Variants in FMO2 observed in about 807,000 individuals in gnomAD.
The protein encoded by FMO2 is flavin containing dimethylaniline monoxygenase 2, also known as flavin-containing monooxygenase 2.
Under a neutral mutation model 41.6 loss-of-function variants are expected in FMO2, and 33 were observed. The ratio of observed to expected loss-of-function variants is 0.79; its 90% CI spans 0.60 to 1.06. FMO2 has a LOEUF of 1.06. FMO2 is among the 50% of genes least tolerant of loss of function. The pLI, the probability that FMO2 is intolerant of heterozygous loss-of-function variation, is 0.00. For synonymous variants in FMO2, 214 were observed against 219.6 expected (o/e 0.97, Z 0.23); for missense variants, 619 against 632.9 (o/e 0.98, Z 0.23).
Position 171,202,815 on chromosome 1 carries a change from T to C in FMO2, c.628-1050T>C, listed in dbSNP as rs574585566. 6.6e-5 allele frequency among the ~76,000 whole-genome samples: 10 copies of C among 152,276 alleles called. No homozygotes were observed. In the South Asian group the frequency reaches 1.0e-3, roughly 16 times the overall value. On this transcript the variant is annotated intron_variant, in intron 5 of 8. Coordinates refer to ENST00000209929, the MANE Select transcript of FMO2 (RefSeq NM_001460.5). Reference sequence around the variant, plus strand: ...CTTATGTGTTTATCAAGTATAGCCTTAAACAAAAACTTATTGCATGGTATG... The same window carrying C: ...CTTATGTGTTTATCAAGTATAGCCTCAAACAAAAACTTATTGCATGGTATG...
intron 5 of FMO2, among the ~76,000 whole-genome samples, chr1:171,202,611 G>A (rs996184221): frequency 2.6e-5 from 4 of 152,186 alleles, no homozygotes; most frequent in Non-Finnish European, 5.9e-5. Context: ...ATGCCATGAG[G>A]TAGGTACTGT....
chr1:171,196,864 T>C (rs1658332663), intron 4 of FMO2, 53 bp downstream of exon 4: 1 of 1,546,234 alleles, frequency 6.5e-7, no homozygotes, highest in Non-Finnish European at 8.9e-7. Flanking sequence ...AGGTACTTTA[T>C]ATGTAGTTTG....
At chr1:171,206,406 T>C (rs141345095) in intron 7 of FMO2, among the ~76,000 whole-genome samples, 1 of 152,168 alleles carries the variant, frequency 6.6e-6, no homozygotes, top group East Asian at 1.9e-4. Context: ...CAATGATGCA[T>C]ATGGAAGGGC....
At chr1:171,196,861 T>C in intron 4 of FMO2, 50 bp downstream of exon 4, 1 of 1,550,240 alleles carries the variant, frequency 6.5e-7, no homozygotes, top group South Asian at 1.2e-5. Context: ...TCCAGGTACT[T>C]TATATGTAGT....
At chr1:171,202,191 C>A (rs898256124) in intron 5 of FMO2, among the ~76,000 whole-genome samples, 1 of 152,044 alleles carries the variant, frequency 6.6e-6, no homozygotes, top group Non-Finnish European at 1.5e-5. Flanking sequence ...GTGAATCAAA[C>A]GGGCAGAGCA....
intron 4 of FMO2, among the ~76,000 whole-genome samples, chr1:171,198,576 C>T (rs549496276): frequency 6.6e-6 from 1 of 152,064 alleles, no homozygotes; most frequent in African/African-American, 2.4e-5. Context: ...CCACCCCTGG[C>T]TAATTTTTGT....
At chr1:171,204,972 C>A (rs1658693100) in intron 6 of FMO2, among the ~76,000 whole-genome samples, 1 of 152,046 alleles carries the variant, frequency 6.6e-6, no homozygotes. Flanking sequence ...GTATAATAAC[C>A]ACCATAATAC....
chr1:171,201,285 C>G (rs1658523860), intron 5 of FMO2, among the ~76,000 whole-genome samples: 1 of 152,126 alleles, frequency 6.6e-6, no homozygotes, highest in South Asian at 2.1e-4. Context: ...TGTGATACAT[C>G]ACCTACATAA....
chr1:171,190,180 ATCT>A (rs1407778865), intron 2 of FMO2, among the ~76,000 whole-genome samples: 4 of 152,146 alleles, frequency 2.6e-5, no homozygotes, highest in South Asian at 2.1e-4. Context: ...TACCCTTATA[ATCT>A]TCTTTAAACT....
chr1:171,196,776 A>G lies in FMO2; in HGVS notation c.449A>G (p.His150Arg), dbSNP rs747311381. The change falls in exon 4 of 9, where the codon CAC becomes CGC. Residue 150 changes from histidine (H) to arginine (R), a missense_variant. His to Arg is a conservative substitution (Grantham distance 29, BLOSUM62 0). Coordinates refer to ENST00000209929, the MANE Select transcript of FMO2 (RefSeq NM_001460.5). ...FDAVMVCSGH[H>R]ILPHIPLKSF... Reference sequence around the variant, plus strand: ...GCAGTTATGGTTTGCAGTGGCCACCACATTCTACCTCATATCCCACTGAAG... The same window carrying G: ...GCAGTTATGGTTTGCAGTGGCCACCGCATTCTACCTCATATCCCACTGAAG... 3.1e-6 allele frequency: 5 copies of G among 1,613,528 alleles called. No homozygotes were observed. The highest frequency in any genetic ancestry group is 4.2e-6 in the Non-Finnish European group (5 of 1,179,830).
rs755781806 is a variant in FMO2, at chr1:171,203,899, T to G, written c.662T>G (p.Met221Arg). 1 of 1,613,596 alleles carries G rather than the reference T, an allele frequency of 6.2e-7. No individual in the cohort carries two copies. Among genetic ancestry groups the G allele is most frequent in the East Asian group, 2.2e-5 (1 of 44,862 alleles). Residue 221 changes from methionine (M) to arginine (R), a missense_variant, in exon 6 of 9, where the codon ATG (methionine) becomes AGG (arginine). Coordinates refer to ENST00000209929, the MANE Select transcript of FMO2 (RefSeq NM_001460.5). ...AGCACCAGGCATGGCACCTGGGTCA[T>G]GAGCCGTATCTCTGAAGATGGCTAT... ...FISTRHGTWVMSRISEDGYPW... is the reference protein window; with the variant it reads ...FISTRHGTWVRSRISEDGYPW...
rs1657907004 is a variant in FMO2 at position 171,187,635 on chromosome 1, A to C, written c.132+1790A>C. Among the ~76,000 whole-genome samples the C allele has an allele frequency of 1.3e-5, 2 of 149,438 alleles. 1 individual carries two copies. The highest frequency in any genetic ancestry group is 4.2e-4 in the South Asian group (2 of 4,792). On this transcript the variant is annotated intron_variant, in intron 2 of 8. Coordinates refer to ENST00000209929, the MANE Select transcript of FMO2 (RefSeq NM_001460.5). ...TTGGTTAAACCTGCCACCAAAAAAA[A>C]AAAAAAAAAAAAAAAAAAATACTGA...
Position 171,185,920 on chromosome 1 carries a change from T to C in FMO2, c.132+75T>C, listed in dbSNP as rs960176805. On this transcript the variant is annotated intron_variant, in intron 2 of 8. Coordinates refer to ENST00000209929, the MANE Select transcript of FMO2 (RefSeq NM_001460.5). Reference sequence around the variant, plus strand: ...GTGAATCACAGTTACTGATGGGTCATATTGAGAAATTTATTAAACAACTCT... The same window carrying C: ...GTGAATCACAGTTACTGATGGGTCACATTGAGAAATTTATTAAACAACTCT... 6 of 1,412,606 alleles carry C rather than the reference T, an allele frequency of 4.2e-6. No individual in the cohort carries two copies. The African/African-American group carries it at 7.1e-5, about 17-fold the overall frequency. The allele number at this position is 1,412,606 out of a possible 1,614,324, so 87.5% of individuals were successfully genotyped here. A position where few individuals can be genotyped will look rare whatever the true frequency, so the allele number is the denominator to read the frequency against.
At chr1:171,207,380 T>C (rs1354655367) in intron 7 of FMO2, among the ~76,000 whole-genome samples, 1 of 152,178 alleles carries the variant, frequency 6.6e-6, no homozygotes, top group Non-Finnish European at 1.5e-5. Flanking sequence ...TCTCACTTCA[T>C]TCAGAATACT....
Position 171,203,864 on chromosome 1 carries a change from G to T in FMO2, c.628-1G>T, listed in dbSNP as rs968420552. On this transcript the variant is annotated splice_acceptor_variant, in intron 5 of 8. Coordinates refer to ENST00000209929, the MANE Select transcript of FMO2 (RefSeq NM_001460.5). LOFTEE classifies it high-confidence loss of function. The stretch of plus-strand genomic sequence containing the variant: ...AAACTGCATTTCTTTTTGCTTGCCA[G>T]GTTTTTATCAGCACCAGGCATGGCA... 2.5e-6 allele frequency: 4 copies of T among 1,613,140 alleles called. No individual in the cohort carries two copies. The African/African-American group carries it at 5.3e-5, about 22-fold the overall frequency.
In FMO2 at chr1:171,204,008, A is replaced by G; in HGVS notation, c.771A>G (p.Glu257=). 4.3e-6 allele frequency: 7 copies of G among 1,613,762 alleles called. No homozygotes were observed. The highest frequency in any genetic ancestry group is 5.9e-6 in the Non-Finnish European group (7 of 1,179,752). Residue 257 remains glutamate (E), a synonymous_variant, in exon 6 of 9, where the codon GAA becomes GAG. Transcript: ENST00000209929. ...LPRTAVKWMI[E]QQMNRWFNHE... ...GAACAGCTGTAAAATGGATGATAGA[A>G]CAACAGATGAATCGGTGGTTCAACC...
chr1:171,185,679 G>C lies in FMO2; in HGVS notation c.-6-29G>C, dbSNP rs187633998. The C allele has an allele frequency of 2.5e-6, 4 of 1,612,284 alleles. No individual in the cohort carries two copies. The African/African-American group carries it at 5.3e-5, about 22-fold the overall frequency. On this transcript the variant is annotated intron_variant, in intron 1 of 8. Coordinates refer to ENST00000209929, the MANE Select transcript of FMO2 (RefSeq NM_001460.5). ...TTCTCTTACCGGTTGTCCCAGTTAA[G>C]TAATGTTGATTGATCAACTCCTTGA...
chr1:171,205,048 C>A (rs1265620559), intron 6 of FMO2, among the ~76,000 whole-genome samples: 1 of 152,214 alleles, frequency 6.6e-6, no homozygotes, highest in Non-Finnish European at 1.5e-5. Flanking sequence ...TCCTTAAAAT[C>A]TCTTTCACTC....
intron 2 of FMO2, among the ~76,000 whole-genome samples, chr1:171,191,764 C>T (rs1298710029): frequency 1.3e-5 from 2 of 150,606 alleles, no homozygotes; most frequent in African/African-American, 4.9e-5. Flanking sequence ...TGGCTCATAC[C>T]TGTAATCCCA....
Sources: allele counts gnomAD v4.1 joint callset (sites outside exome capture counted in the v4.1 genomes callset), GRCh38; gene constraint gnomAD v4.1.1; transcripts MANE v1.5; gene names NCBI Gene and HGNC (gene_info 2026-07-23, HGNC 2026-07-21).